Variants in CAP2 observed in about 807,000 individuals in gnomAD.
CAP2 encodes adenylyl cyclase-associated protein 2.
Under a neutral mutation model 57.7 loss-of-function variants are expected in CAP2, and 24 were observed. The ratio of observed to expected loss-of-function variants is 0.42; its 90% CI spans 0.30 to 0.58. The LOEUF is 0.58. Ranked by LOEUF, CAP2 falls within the 20% of genes least tolerant of loss-of-function variation. The pLI, the probability that CAP2 is intolerant of heterozygous loss-of-function variation, is 0.22. For missense variants in CAP2, 501 were observed against 590.3 expected (o/e 0.85, Z 1.57); for synonymous variants, 194 against 207.2 (o/e 0.94, Z 0.55).
intron 4 of CAP2, among the ~76,000 whole-genome samples, chr6:17,498,507 A>C (rs897717663): frequency 4.6e-5 from 7 of 152,150 alleles, no homozygotes; most frequent in Non-Finnish European, 8.8e-5. Context: ...GAACAATCTC[A>C]TGTCAAACTT....
At chr6:17,452,979 G>T (rs1760453676) in intron 3 of CAP2, among the ~76,000 whole-genome samples, 1 of 152,144 alleles carries the variant, frequency 6.6e-6, no homozygotes, top group African/African-American at 2.4e-5. Context: ...TAACTCACAG[G>T]ACTGATAGCA....
At chr6:17,525,269 T>C (rs1762477786) in intron 7 of CAP2, among the ~76,000 whole-genome samples, 1 of 152,212 alleles carries the variant, frequency 6.6e-6, no homozygotes, top group Non-Finnish European at 1.5e-5. Context: ...CTGCCTACTT[T>C]AATGGTCAGT....
At chr6:17,428,110 G>T (rs1035980709) in intron 3 of CAP2, among the ~76,000 whole-genome samples, 4 of 152,100 alleles carry the variant, frequency 2.6e-5, no homozygotes, top group Non-Finnish European at 5.9e-5. Flanking sequence ...CACTGAAAAT[G>T]GTTAAGATGG....
chr6:17,433,184 T>TA (rs1759787860), intron 3 of CAP2, among the ~76,000 whole-genome samples: 1 of 152,104 alleles, frequency 6.6e-6, no homozygotes, highest in South Asian at 2.1e-4. Flanking sequence ...ATCACCATTG[T>TA]AAAAAGCATC....
chr6:17,396,295 A>C (rs1409282350), intron 1 of CAP2, among the ~76,000 whole-genome samples: 4 of 152,226 alleles, frequency 2.6e-5, no homozygotes, highest in Non-Finnish European at 5.9e-5. Context: ...TTCCATTGTA[A>C]ATATATGTCC....
chr6:17,465,116 C>T (rs906851453), intron 4 of CAP2, among the ~76,000 whole-genome samples: 8 of 152,216 alleles, frequency 5.3e-5, no homozygotes, highest in African/African-American at 1.9e-4. Flanking sequence ...CACTGTGTGG[C>T]CTAGCATGTG....
At chr6:17,403,018 T>C (rs1209787520) in intron 1 of CAP2, among the ~76,000 whole-genome samples, 1 of 152,220 alleles carries the variant, frequency 6.6e-6, no homozygotes, top group African/African-American at 2.4e-5. Flanking sequence ...CCTCATTATG[T>C]TTCCCAGCAT....
At chr6:17,408,216 C>T (rs1330192061) in intron 1 of CAP2, among the ~76,000 whole-genome samples, 1 of 152,156 alleles carries the variant, frequency 6.6e-6, no homozygotes, top group Non-Finnish European at 1.5e-5. Context: ...GTAAAGGCCT[C>T]AGGCTGCTTC....
Position 17,460,559 on chromosome 6 carries a change from C to T in CAP2, c.223-2437C>T, listed in dbSNP as rs1028855711. Among the ~76,000 whole-genome samples, 13 of 152,262 alleles carry T rather than the reference C, an allele frequency of 8.5e-5. 1 individual carries two copies. The highest frequency in any genetic ancestry group is 3.1e-4 in the African/African-American group (13 of 41,568). ...GTTCTCATCTTTCCCAGCAAGAAGT[C>T]AGTCAATACTATCTAGAATTATAAC... On this transcript the variant is annotated intron_variant, in intron 3 of 12. Coordinates refer to ENST00000229922, the MANE Select transcript of CAP2 (RefSeq NM_006366.3).
intron 2 of CAP2, among the ~76,000 whole-genome samples, chr6:17,421,890 T>A (rs1489212986): frequency 6.6e-6 from 1 of 152,264 alleles, no homozygotes; most frequent in Non-Finnish European, 1.5e-5. Flanking sequence ...TATCAGTATC[T>A]GTGCCTTTTA....
intron 1 of CAP2, among the ~76,000 whole-genome samples, 200 bp downstream of exon 1, chr6:17,393,946 G>T (rs549822818): frequency 6.8e-6 from 1 of 147,550 alleles, no homozygotes; most frequent in South Asian, 2.1e-4. Flanking sequence ...ACCCGGGCGC[G>T]GGGCGCGGGC....
chr6:17,507,681 C>T lies in CAP2; in HGVS notation c.485C>T (p.Ala162Val). 2 of 1,611,482 alleles carry T rather than the reference C, an allele frequency of 1.2e-6. No homozygotes were observed. Among genetic ancestry groups the T allele is most frequent in the Non-Finnish European group, 1.7e-6 (2 of 1,177,802 alleles). ...PGPYVKEMND[A>V]ATFYTNRVLK... ...CCTTATGTCAAGGAGATGAATGACG[C>T]TGCCACCTTTTACACTAACAGGGTC... The change falls in exon 6 of 13, where the codon GCT (alanine) becomes GTT (valine). Residue 162 changes from alanine (A) to valine (V), a missense_variant. Physicochemically the swap from Ala to Val is moderately conservative, Grantham distance 64. Coordinates refer to ENST00000229922, the MANE Select transcript of CAP2 (RefSeq NM_006366.3).
intron 1 of CAP2, among the ~76,000 whole-genome samples, chr6:17,416,146 G>A (rs1759268905): frequency 6.6e-6 from 1 of 151,380 alleles, no homozygotes; most frequent in Non-Finnish European, 1.5e-5. Context: ...GCACATACAC[G>A]TAGACTTGAG....
At chr6:17,398,732 G>A (rs1046228893) in intron 1 of CAP2, among the ~76,000 whole-genome samples, 3 of 151,992 alleles carry the variant, frequency 2.0e-5, no homozygotes, top group Admixed American at 2.0e-4. Flanking sequence ...CACCGTGTTA[G>A]CCAGGATGGT....
chr6:17,485,285 C>T (rs903638004), intron 4 of CAP2, among the ~76,000 whole-genome samples: 4 of 152,118 alleles, frequency 2.6e-5, no homozygotes, highest in South Asian at 2.1e-4. Flanking sequence ...TGCTAGAGTG[C>T]GTGCATAGTA....
intron 1 of CAP2, among the ~76,000 whole-genome samples, chr6:17,398,794 A>G (rs1400662759): frequency 3.3e-5 from 5 of 151,974 alleles, no homozygotes; most frequent in African/African-American, 1.2e-4. Context: ...AAAGTGCTGG[A>G]ATTACATGCG....
At chr6:17,479,803 C>G (rs932687779) in intron 4 of CAP2, among the ~76,000 whole-genome samples, 2 of 151,424 alleles carry the variant, frequency 1.3e-5, no homozygotes, top group Non-Finnish European at 2.9e-5. Context: ...TTTTAGTAGA[C>G]ATGGGGTTTC....
At chr6:17,418,378 G>C (rs759385674) in intron 1 of CAP2, among the ~76,000 whole-genome samples, 2 of 152,280 alleles carry the variant, frequency 1.3e-5, no homozygotes, top group Middle Eastern at 3.4e-3. Flanking sequence ...TTTCAGTCTT[G>C]CTTGTGGTGA....
intron 3 of CAP2, among the ~76,000 whole-genome samples, chr6:17,437,628 C>T (rs1349612306): frequency 6.6e-6 from 1 of 152,124 alleles, no homozygotes; most frequent in Non-Finnish European, 1.5e-5. Flanking sequence ...CCTGTAATCT[C>T]AGCACTTTGG....
Sources: allele counts gnomAD v4.1 joint callset (sites outside exome capture counted in the v4.1 genomes callset), GRCh38; gene constraint gnomAD v4.1.1; transcripts MANE v1.5; gene names NCBI Gene and HGNC (gene_info 2026-07-23, HGNC 2026-07-21).